PTPRD: variants seen among roughly 807,000 people sequenced by gnomAD.
PTPRD encodes the protein receptor-type tyrosine-protein phosphatase delta.
Under a neutral mutation model 214.5 loss-of-function variants are expected in PTPRD, and 34 were observed. The ratio of observed to expected loss-of-function variants is 0.16; its 90% confidence interval spans 0.12 to 0.21. PTPRD has a LOEUF of 0.21. Among genes scored for constraint, PTPRD ranks in the 10% least tolerant of loss-of-function variants. The pLI is 1.00. For synonymous variants in PTPRD, 1,128 were observed against 845.7 expected (o/e 1.33, Z -5.79); for missense variants, 2,545 against 2,398.7 (o/e 1.06, Z -1.27).
At chr9:10,524,970 A>C (rs1250636154) in intron 2 of PTPRD, among the ~76,000 whole-genome samples, 1 of 151,702 alleles carries the variant, frequency 6.6e-6, no homozygotes, top group Non-Finnish European at 1.5e-5. Flanking sequence ...GTGGGCTCAT[A>C]GTAGGGTAGA....
chr9:10,210,593 A>T (rs1339340118), intron 3 of PTPRD, among the ~76,000 whole-genome samples: 1 of 151,510 alleles, frequency 6.6e-6, no homozygotes, highest in Non-Finnish European at 1.5e-5. Context: ...ATGTCATGAT[A>T]TGAGGATATT....
intron 2 of PTPRD, among the ~76,000 whole-genome samples, chr9:10,351,538 T>C (rs2097183019): frequency 6.6e-6 from 1 of 152,094 alleles, no homozygotes; most frequent in Admixed American, 6.5e-5. Context: ...ATAGCCACGT[T>C]GGAGTCAATC....
At chr9:9,769,864 G>T (rs1442174929) in intron 5 of PTPRD, among the ~76,000 whole-genome samples, 2 of 152,046 alleles carry the variant, frequency 1.3e-5, no homozygotes, top group African/African-American at 4.8e-5. Flanking sequence ...GTGGTGTCTG[G>T]TTTTCTGTTC....
At chr9:8,633,097 T>C (rs3750490) in intron 14 of PTPRD, among the ~76,000 whole-genome samples, 13,155 of 152,006 alleles carry the variant, frequency 0.087, 695 homozygotes, top group East Asian at 0.18. Flanking sequence ...CAATGCTTTT[T>C]TCAGCTTTTT....
At chr9:9,970,101 A>T (rs1238235035) in intron 4 of PTPRD, among the ~76,000 whole-genome samples, 1 of 152,138 alleles carries the variant, frequency 6.6e-6, no homozygotes, top group Non-Finnish European at 1.5e-5. Context: ...CATATTAAGG[A>T]TTATAGGTTT....
chr9:9,781,558 G>A (rs1001492873), intron 5 of PTPRD, among the ~76,000 whole-genome samples: 6 of 152,168 alleles, frequency 3.9e-5, no homozygotes, highest in East Asian at 3.9e-4. Context: ...TTGAAGACAT[G>A]TGAAGGCATG....
At chr9:8,627,465 C>G (rs147490426) in intron 14 of PTPRD, among the ~76,000 whole-genome samples, 1 of 151,882 alleles carries the variant, frequency 6.6e-6, no homozygotes, top group Non-Finnish European at 1.5e-5. Flanking sequence ...ACAAGTTAAG[C>G]AGCAGTAAAC....
chr9:10,503,195 A>AAAAAAAC (rs1449584880), intron 2 of PTPRD, among the ~76,000 whole-genome samples: 1 of 120,320 alleles, frequency 8.3e-6, no homozygotes, highest in Non-Finnish European at 1.6e-5. Context: ...CTGCAATACA[A>AAAAAAAC]AAAAAAAAAA....
chr9:9,354,866 G>A (rs1474547553), intron 9 of PTPRD, among the ~76,000 whole-genome samples: 1 of 151,628 alleles, frequency 6.6e-6, no homozygotes, highest in Non-Finnish European at 1.5e-5. Context: ...AATAATGGAG[G>A]GTGAGGTAAC....
chr9:10,107,193 T>A (rs991242538), intron 3 of PTPRD, among the ~76,000 whole-genome samples: 15 of 151,990 alleles, frequency 9.9e-5, no homozygotes, highest in Admixed American at 9.2e-4. Flanking sequence ...ATGGAAACGG[T>A]AAATGAAATA....
chr9:8,755,502 C>A (rs1220571982), intron 11 of PTPRD, among the ~76,000 whole-genome samples: 2 of 148,044 alleles, frequency 1.4e-5, no homozygotes, highest in African/African-American at 5.1e-5. Flanking sequence ...GCACTCCAGC[C>A]TGGGCAACAA....
In PTPRD at chr9:8,832,410, C is replaced by T. The variant is rs1275527679; in HGVS notation, c.-103-98464G>A. On this transcript the variant is annotated intron_variant, in intron 11 of 45. Transcript: ENST00000381196. ...TAAAGCAAGGGGCAGCTAAAATCAT[C>T]TTTTTTTTTTTTTTTTTTTGTCAAA... is the stretch of plus-strand genomic sequence containing the variant. Among the ~76,000 whole-genome samples the T allele has an allele frequency of 2.9e-3, 375 of 127,938 alleles. 12 individuals carry two copies. Among genetic ancestry groups the T allele is most frequent in the Middle Eastern group, 8.3e-3 (2 of 242 alleles). The allele number at this position is 127,938 out of a possible 152,430, so 83.9% of individuals were successfully genotyped here.
intron 2 of PTPRD, among the ~76,000 whole-genome samples, chr9:10,378,706 T>C (rs2154481526): frequency 6.6e-6 from 1 of 152,214 alleles, no homozygotes; most frequent in East Asian, 1.9e-4. Context: ...CCATGCTGTT[T>C]TGGTTAGTAT....
chr9:9,768,003 G>C (rs550376074), intron 5 of PTPRD, among the ~76,000 whole-genome samples: 1 of 152,148 alleles, frequency 6.6e-6, no homozygotes, highest in Non-Finnish European at 1.5e-5. Context: ...CAAAATACAA[G>C]TGCATCCATA....
chr9:9,199,766 A>T (rs978102990), intron 9 of PTPRD, among the ~76,000 whole-genome samples: 6 of 152,004 alleles, frequency 3.9e-5, no homozygotes, highest in African/African-American at 1.4e-4. Context: ...AAATGATTTT[A>T]TTAGAAACAC....
At chr9:8,775,726 G>T (rs945850078) in intron 11 of PTPRD, among the ~76,000 whole-genome samples, 1 of 152,060 alleles carries the variant, frequency 6.6e-6, no homozygotes. Context: ...GCTCACACCT[G>T]TAATCCCAGC....
chr9:8,466,215 A>G (rs1328785155), intron 31 of PTPRD, among the ~76,000 whole-genome samples: 1 of 151,932 alleles, frequency 6.6e-6, no homozygotes, highest in African/African-American at 2.4e-5. Flanking sequence ...ATATACACAT[A>G]TTAAATAGAC....
intron 11 of PTPRD, among the ~76,000 whole-genome samples, chr9:8,790,997 T>C (rs2096208129): frequency 6.6e-6 from 1 of 152,186 alleles, no homozygotes; most frequent in African/African-American, 2.4e-5. Context: ...TAGTAGGCAG[T>C]GCTGCTATAG....
At chr9:8,397,867 T>C (rs1406355587) in intron 36 of PTPRD, among the ~76,000 whole-genome samples, 2 of 152,164 alleles carry the variant, frequency 1.3e-5, no homozygotes, top group Non-Finnish European at 2.9e-5. Context: ...CTATATTATT[T>C]ATGCTTGGAT....
Sources: gnomAD v4.1 joint callset for allele counts (sites outside exome capture counted in the v4.1 genomes callset) on GRCh38, gnomAD v4.1.1 for gene constraint, MANE v1.5 for transcripts, NCBI Gene and HGNC (gene_info 2026-07-23, HGNC 2026-07-21) for gene names.